The following ENTPD6 variants were observed in gnomAD, a reference collection of about 807,000 sequenced individuals.
ENTPD6 encodes ectonucleoside triphosphate diphosphohydrolase 6.
ENTPD6 carries 46 observed loss-of-function variants against 61.5 expected under a neutral mutation model. The ratio of observed to expected loss-of-function variants is 0.75; its 90% CI spans 0.59 to 0.96. The LOEUF (loss-of-function observed/expected upper bound fraction) is 0.96, where lower values mean the gene tolerates loss of function less well. ENTPD6 is among the 40% of genes least tolerant of loss of function. The pLI is 0.00. For synonymous variants in ENTPD6, 252 were observed against 255.5 expected, an observed-to-expected ratio of 0.99 and a Z score of 0.13; for missense variants, 612 against 629.0, an observed-to-expected ratio of 0.97 and a Z score of 0.29.
At chr20:25,204,421 G>A (rs1020334181) in intron 1 of ENTPD6, among the ~76,000 whole-genome samples, 2 of 151,858 alleles carry the variant, frequency 1.3e-5, no homozygotes, top group Non-Finnish European at 2.9e-5. Flanking sequence ...AATGTCTGCC[G>A]GAACACAATT....
intron 1 of ENTPD6, among the ~76,000 whole-genome samples, chr20:25,199,633 A>G (rs1432487524): frequency 6.6e-6 from 1 of 152,072 alleles, no homozygotes; most frequent in African/African-American, 2.4e-5. Flanking sequence ...TCTTTACCCA[A>G]TAAGTCCTCC....
intron 10 of ENTPD6, 68 bp from the exon 11 acceptor site, chr20:25,221,164 C>T: frequency 7.6e-7 from 1 of 1,315,914 alleles, no homozygotes; most frequent in Non-Finnish European, 1.1e-6. Context: ...TCCGCGACTC[C>T]TAGCTCAGCC....
intron 4 of ENTPD6, 109 bp downstream of exon 4, chr20:25,210,034 G>A: frequency 1.0e-6 from 1 of 992,568 alleles, no homozygotes; most frequent in African/African-American, 1.6e-5. Flanking sequence ...GGCTTTGACA[G>A]TGCTGCCTGG....
At chr20:25,206,715 T>C in intron 2 of ENTPD6, 125 bp downstream of exon 2, 1 of 778,898 alleles carries the variant, frequency 1.3e-6, no homozygotes, top group East Asian at 2.6e-5. Flanking sequence ...TCTGTTCCCA[T>C]GAACAGTTTG....
intron 9 of ENTPD6, 151 bp from the exon 10 acceptor site, chr20:25,218,398 TA>T (rs2092458546): frequency 2.9e-6 from 2 of 688,086 alleles, no homozygotes; most frequent in Non-Finnish European, 5.1e-6. Flanking sequence ...TCCTCAACTC[TA>T]CAGAAACAGG....
chr20:25,204,975 A>G (rs924336552), intron 1 of ENTPD6, among the ~76,000 whole-genome samples: 30 of 152,114 alleles, frequency 2.0e-4, no homozygotes, highest in African/African-American at 7.2e-4. Flanking sequence ...TGGGGGAACA[A>G]GGGCCTTTGA....
At chr20:25,209,317 C>T (rs1021634078) in intron 3 of ENTPD6, among the ~76,000 whole-genome samples, 6 of 151,422 alleles carry the variant, frequency 4.0e-5, no homozygotes, top group Non-Finnish European at 5.9e-5. Flanking sequence ...TCACCATATT[C>T]GCCAGGATGG....
chr20:25,223,032 G>T (rs1311913840), intron 12 of ENTPD6, 54 bp downstream of exon 12: 14 of 1,430,954 alleles, frequency 9.8e-6, no homozygotes, highest in Non-Finnish European at 1.2e-5. Context: ...GGGGGCGGGG[G>T]TGGAGGGCGT....
intron 6 of ENTPD6, 84 bp downstream of exon 6, chr20:25,215,026 A>G: frequency 2.2e-6 from 2 of 892,006 alleles, no homozygotes; most frequent in Non-Finnish European, 3.7e-6. Context: ...ACCATCCGCC[A>G]CCCCTCCCCG....
At chr20:25,219,049 T>A (rs957929242) in intron 10 of ENTPD6, among the ~76,000 whole-genome samples, 1 of 152,196 alleles carries the variant, frequency 6.6e-6, no homozygotes, top group African/African-American at 2.4e-5. Context: ...GCCCAGCTAA[T>A]TTTTGTGTTT....
intron 7 of ENTPD6, 57 bp from the exon 8 acceptor site, chr20:25,216,591 T>C: frequency 7.4e-7 from 1 of 1,353,828 alleles, no homozygotes; most frequent in Non-Finnish European, 1.0e-6. Context: ...CTGGCTTTTC[T>C]GCTGTTCTCG....
At chr20:25,220,383 A>C (rs1261438818) in intron 10 of ENTPD6, among the ~76,000 whole-genome samples, 1 of 150,718 alleles carries the variant, frequency 6.6e-6, no homozygotes, top group Non-Finnish European at 1.5e-5. Flanking sequence ...AGCTGTCTAG[A>C]CGCCCCCTGC....
rs190271148 is a variant in ENTPD6, at chr20:25,216,752, G to C, written c.798+16G>C. The stretch of plus-strand genomic sequence containing the variant: ...ACGCGTGGAGGTAACAAGCCCTGCC[G>C]ACCACAGCGCTCTTTCCACCCCGAG... On this transcript the variant is annotated intron_variant, in intron 8 of 14. Coordinates refer to ENST00000376652, the MANE Select transcript of ENTPD6 (RefSeq NM_001247.5). The C allele has an allele frequency of 3.4e-6, 5 of 1,453,348 alleles. No individual in the cohort carries two copies. The highest frequency in any genetic ancestry group is 2.0e-5 in the Admixed American group (1 of 50,388). 90.0% of individuals were successfully genotyped at this position (1,453,348 alleles called of 1,614,324 possible).
chr20:25,206,599 G>A lies in ENTPD6; in HGVS notation c.54+9G>A. 1 of 1,606,372 alleles carries A rather than the reference G, an allele frequency of 6.2e-7. No individual in the cohort carries two copies. Among genetic ancestry groups the A allele is most frequent in the African/African-American group, 1.3e-5 (1 of 74,946 alleles). ...CGAGCTACATTTTTCAGGTTTGTCT[G>A]GGGCTCTCAGTAGTTGCCCAAGGGA... On this transcript the variant is annotated intron_variant, in intron 2 of 14. Coordinates refer to ENST00000376652, the MANE Select transcript of ENTPD6 (RefSeq NM_001247.5).
At position 25,207,113 on chromosome 20, in the gene ENTPD6, A is replaced by G; in HGVS notation, c.92A>G (p.Lys31Arg). 6.2e-7 allele frequency: 1 copy of G among 1,613,420 alleles called. No individual in the cohort carries two copies. The highest frequency in any genetic ancestry group is 8.5e-7 in the Non-Finnish European group (1 of 1,179,496). ...GGTCCTTGGCAAACAAGGATGAGAA[A>G]AATATCCAACCACGGGAGCCTGCGG... ...QHGPWQTRMR[K>R]ISNHGSLRVA... Residue 31 changes from lysine (K) to arginine (R), a missense_variant, in exon 3 of 15, where the codon AAA (lysine) becomes AGA (arginine). Transcript: ENST00000376652.
chr20:25,207,261 G>A lies in ENTPD6; in HGVS notation c.240G>A (p.Gly80=). The A allele has an allele frequency of 6.2e-7, 1 of 1,613,680 alleles. No individual in the cohort carries two copies. Among genetic ancestry groups the A allele is most frequent in the Non-Finnish European group, 8.5e-7 (1 of 1,179,784 alleles). The change falls in exon 3 of 15, where the codon GGG becomes GGA. Residue 80 remains glycine, a synonymous_variant. Coordinates refer to ENST00000376652, the MANE Select transcript of ENTPD6 (RefSeq NM_001247.5). ...TCAGCATCACCAGGGCAGCCCCGGG[G>A]GCCCGGTGGGGTCAGCAGGCCCACA... ...AFFSITRAAP[G]ARWGQQAHSP... is the part of the protein sequence containing the mutation.
Position 25,216,644 on chromosome 20 carries a change from C to T in ENTPD6, c.710-4C>T, listed in dbSNP as rs2092328958. On this transcript the variant is annotated splice_region_variant and splice_polypyrimidine_tract_variant and intron_variant, in intron 7 of 14. Coordinates refer to ENST00000376652, the MANE Select transcript of ENTPD6 (RefSeq NM_001247.5). ...CTGTGCTGTTTTTGCTTGCTGTGCT[C>T]CAGGCAGCTTGAAAACTCCAGGAGG... 6.3e-7 allele frequency: 1 copy of T among 1,597,968 alleles called. No homozygotes were observed. The highest frequency in any genetic ancestry group is 1.7e-5 in the Admixed American group (1 of 58,028).
intron 1 of ENTPD6, among the ~76,000 whole-genome samples, chr20:25,197,805 T>G (rs1006644596): frequency 6.6e-6 from 1 of 152,246 alleles, no homozygotes; most frequent in Admixed American, 6.5e-5. Flanking sequence ...CTTCCTGAAC[T>G]TGGTGTGTAA....
At position 25,227,212 on chromosome 20, in the gene ENTPD6, G is replaced by A. The variant is rs1157004529; in HGVS notation, c.*1615G>A. Among the ~76,000 whole-genome samples the A allele has an allele frequency of 1.3e-5, 2 of 152,208 alleles. No individual in the cohort carries two copies. Among genetic ancestry groups the A allele is most frequent in the Non-Finnish European group, 2.9e-5 (2 of 68,046 alleles). ...CTGCAGCGAATGCTGATGGAGCCAC[G>A]TGGTGGAGGCCTGCACAGAGCAGGA... is the stretch of plus-strand genomic sequence containing the variant. On this transcript the variant is annotated 3_prime_UTR_variant, in exon 15 of 15. Transcript: ENST00000376652.
Sources: allele counts gnomAD v4.1 joint callset (sites outside exome capture counted in the v4.1 genomes callset), GRCh38; gene constraint gnomAD v4.1.1; transcripts MANE v1.5; gene names NCBI Gene and HGNC (gene_info 2026-07-23, HGNC 2026-07-21).